The following SYNGR1 variants were observed in gnomAD, a reference collection of about 807,000 sequenced individuals.
SYNGR1 encodes synaptogyrin-1.
In SYNGR1, 14 loss-of-function variants were observed where a neutral mutation model predicts 26.1. That is an observed-to-expected ratio of 0.54 (90% CI 0.35 to 0.84). The LOEUF (loss-of-function observed/expected upper bound fraction) is 0.84, where lower values mean the gene tolerates loss of function less well. Ranked by LOEUF, SYNGR1 falls within the 40% of genes least tolerant of loss-of-function variation. The pLI, the probability that SYNGR1 is intolerant of heterozygous loss-of-function variation, is 0.01. For synonymous variants in SYNGR1, 141 were observed against 150.1 expected, an observed-to-expected ratio of 0.94 and a Z score of 0.44; for missense variants, 319 against 332.9, an observed-to-expected ratio of 0.96 and a Z score of 0.33.
chr22:39,372,777 T>A (rs922411120), intron 1 of SYNGR1, among the ~76,000 whole-genome samples: 3 of 151,978 alleles, frequency 2.0e-5, no homozygotes, highest in African/African-American at 4.8e-5. Flanking sequence ...CCTGGGTGGA[T>A]CCATTCTTAA....
chr22:39,371,544 C>G (rs1925019648), intron 1 of SYNGR1, among the ~76,000 whole-genome samples: 1 of 151,726 alleles, frequency 6.6e-6, no homozygotes, highest in African/African-American at 2.4e-5. Context: ...AATCCCAGCA[C>G]TTTGGGAGGC....
In SYNGR1 at chr22:39,367,679, T is replaced by C. The variant is rs1329985271; in HGVS notation, c.100-6637T>C. ...CTCTGCTAAAAATACAAAAATTAGC[T>C]GGGTTTGGTGGCACACGCCTGTAAT... is the stretch of plus-strand genomic sequence containing the variant. On this transcript the variant is annotated intron_variant, in intron 1 of 3. Transcript: ENST00000328933. 2.0e-5 allele frequency among the ~76,000 whole-genome samples: 3 copies of C among 151,610 alleles called. No homozygotes were observed. In the East Asian group the frequency reaches 5.8e-4, roughly 29 times the overall value.
intron 1 of SYNGR1, among the ~76,000 whole-genome samples, chr22:39,361,258 G>A (rs1206128379): frequency 6.6e-6 from 1 of 152,084 alleles, no homozygotes; most frequent in Non-Finnish European, 1.5e-5. Context: ...TGCACAGCAG[G>A]AGAGAAACCA....
At chr22:39,378,205 C>T (rs1925376059) in intron 3 of SYNGR1, 1 of 1,087,430 alleles carries the variant, frequency 9.2e-7, no homozygotes, top group Non-Finnish European at 1.1e-6. Context: ...CTGGCTCTGT[C>T]CTCATGTGCT....
intron 1 of SYNGR1, among the ~76,000 whole-genome samples, chr22:39,373,921 C>T (rs1487004774): frequency 6.6e-6 from 1 of 152,226 alleles, no homozygotes; most frequent in Non-Finnish European, 1.5e-5. Context: ...CTGGAGGAGT[C>T]AGCCTGGGGG....
rs112261760 is a variant in SYNGR1, at chr22:39,361,627, C to T, written c.99+11518C>T. Among the ~76,000 whole-genome samples, 335 of 151,798 alleles carry T rather than the reference C, an allele frequency of 2.2e-3. 2 individuals carry two copies. The highest frequency in any genetic ancestry group is 7.7e-3 in the African/African-American group (320 of 41,396). The stretch of plus-strand genomic sequence containing the variant: ...CACCCGCCTCTGCCTCCCAAAGTGC[C>T]GGGATTACAGCCATGAGCCATCACG... On this transcript the variant is annotated intron_variant, in intron 1 of 3. Coordinates refer to ENST00000328933, the MANE Select transcript of SYNGR1 (RefSeq NM_004711.5).
chr22:39,367,492 G>A (rs998413261), intron 1 of SYNGR1, among the ~76,000 whole-genome samples: 15 of 152,282 alleles, frequency 9.9e-5, no homozygotes, highest in African/African-American at 3.1e-4. Flanking sequence ...CGGTGGGCGG[G>A]GCCAGCACAT....
rs370242194 is a variant in SYNGR1 at position 39,376,138 on chromosome 22, G to C, written c.424G>C (p.Glu142Gln). ...CAAGCCCAAGGACAACCCACTGAAC[G>C]AAGGGACGGACGCAGCCCGGGCCGC... The part of the protein sequence containing the change: ...VSKPKDNPLN[E>Q]GTDAARAAIA... Residue 142 changes from glutamate to glutamine, a missense_variant, in exon 3 of 4, where the codon GAA becomes CAA. Transcript: ENST00000328933. 1 of 1,614,200 alleles carries C rather than the reference G, an allele frequency of 6.2e-7. No homozygotes were observed. The highest frequency in any genetic ancestry group is 2.2e-5 in the East Asian group (1 of 44,884).
chr22:39,358,441 T>C (rs1462053405), intron 1 of SYNGR1, among the ~76,000 whole-genome samples: 2 of 152,322 alleles, frequency 1.3e-5, no homozygotes, highest in African/African-American at 4.8e-5. Flanking sequence ...GCGATAAATT[T>C]TGCTACTGCT....
intron 1 of SYNGR1, 124 bp from the exon 2 acceptor site, chr22:39,374,192 C>T: frequency 1.2e-6 from 1 of 855,100 alleles, no homozygotes; most frequent in Non-Finnish European, 1.9e-6. Flanking sequence ...GAAATGCCTG[C>T]TTAACCCGGG....
intron 1 of SYNGR1, among the ~76,000 whole-genome samples, chr22:39,373,515 C>G (rs190167646): frequency 3.7e-3 from 556 of 152,040 alleles, no homozygotes; most frequent in African/African-American, 0.013. Flanking sequence ...CAGAGCCTCT[C>G]TCTGTCACCC....
chr22:39,384,818 T>TA lies in SYNGR1; in HGVS notation c.*2905dup, dbSNP rs1377526039. The TA allele has an allele frequency of 1.3e-5, 5 of 398,960 alleles. No individual in the cohort carries two copies. Among genetic ancestry groups the TA allele is most frequent in the East Asian group, 3.6e-5 (1 of 28,112 alleles). 24.7% of individuals were successfully genotyped at this position (398,960 alleles called of 1,614,324 possible). Reference sequence around the variant, plus strand: ...ATAAGTGTAGAGTCGCAAGGACGCTTAGAGTCGGCAGAGTCTGGGGTAGGG... The same window carrying TA: ...ATAAGTGTAGAGTCGCAAGGACGCTTAAGAGTCGGCAGAGTCTGGGGTAGGG... On this transcript the variant is annotated 3_prime_UTR_variant, in exon 4 of 4. Coordinates refer to ENST00000328933, the MANE Select transcript of SYNGR1 (RefSeq NM_004711.5).
Position 39,376,099 on chromosome 22 carries a change from C to T in SYNGR1, c.385C>T (p.Gln129Ter). The T allele has an allele frequency of 6.2e-7, 1 of 1,614,240 alleles. No individual in the cohort carries two copies. Among genetic ancestry groups the T allele is most frequent in the Non-Finnish European group, 8.5e-7 (1 of 1,180,054 alleles). The change falls in exon 3 of 4, where the codon CAG becomes TAG. Residue 129 changes from glutamine to a stop codon, truncating the protein, a stop_gained. Transcript: ENST00000328933. LOFTEE classifies it high-confidence loss of function. ...CGTGGGATTCTGCTACCTGGCCAAC[C>T]AGTGGCAGGTCTCCAAGCCCAAGGA... is the stretch of plus-strand genomic sequence containing the variant. ...WFVGFCYLAN[Q>*]WQVSKPKDNP...
intron 3 of SYNGR1, chr22:39,377,841 C>T: frequency 1.3e-6 from 2 of 1,512,896 alleles, no homozygotes; most frequent in Non-Finnish European, 1.8e-6. Flanking sequence ...TCCACTGACT[C>T]ATTCATTCCT....
In SYNGR1 at chr22:39,358,037, C is replaced by G. The variant is rs1248732080; in HGVS notation, c.99+7928C>G. On this transcript the variant is annotated intron_variant, in intron 1 of 3. Coordinates refer to ENST00000328933, the MANE Select transcript of SYNGR1 (RefSeq NM_004711.5). ...TCCACCTGCAGCCCCGGTGCGGGAT[C>G]CACTAGGTGAAGCCAGCTGGGCTCC... is the stretch of plus-strand genomic sequence containing the variant. Among the ~76,000 whole-genome samples, 8 of 152,404 alleles carry G rather than the reference C, an allele frequency of 5.2e-5. 1 individual carries two copies. The South Asian group carries it at 1.7e-3, about 32-fold the overall frequency.
chr22:39,379,610 G>C (rs1925428395), intron 3 of SYNGR1: 1 of 149,008 alleles, frequency 6.7e-6, no homozygotes, highest in Admixed American at 6.8e-5. Flanking sequence ...CCCCATCCTG[G>C]GTGACAGAGC....
intron 1 of SYNGR1, chr22:39,364,194 C>T: frequency 1.2e-6 from 2 of 1,613,110 alleles, no homozygotes; most frequent in Non-Finnish European, 8.5e-7. Flanking sequence ...TCCTTGGTCT[C>T]ATGTTGACCT....
chr22:39,370,886 G>T (rs1924988567), intron 1 of SYNGR1, among the ~76,000 whole-genome samples: 2 of 151,872 alleles, frequency 1.3e-5, no homozygotes, highest in African/African-American at 4.8e-5. Flanking sequence ...CTCCCAAAGT[G>T]CTGGGATTAC....
At position 39,383,672 on chromosome 22, in the gene SYNGR1, TACTC is replaced by T. The variant is rs1316447131; in HGVS notation, c.*1764_*1767del. ...AGAGGCAGGCGATCCCTCACCTGCT[TACTC>T]ACTCAGCAGTTACCCGGCCCCTGTG... On this transcript the variant is annotated 3_prime_UTR_variant, in exon 4 of 4. Transcript: ENST00000328933. The T allele has an allele frequency of 2.6e-5, 4 of 152,426 alleles. No individual in the cohort carries two copies. Among genetic ancestry groups the T allele is most frequent in the Non-Finnish European group, 4.4e-5 (3 of 68,136 alleles). 9.4% of individuals were successfully genotyped at this position (152,426 alleles called of 1,614,324 possible).
Sources: allele counts gnomAD v4.1 joint callset (sites outside exome capture counted in the v4.1 genomes callset), GRCh38; gene constraint gnomAD v4.1.1; transcripts MANE v1.5; gene names NCBI Gene and HGNC (gene_info 2026-07-23, HGNC 2026-07-21).